The following NOX3 variants were observed in gnomAD, a reference collection of about 807,000 sequenced individuals.
NOX3 encodes the protein NADPH oxidase 3, also known as NADPH oxidase catalytic subunit-like 3.
Under a neutral mutation model 76.7 loss-of-function variants are expected in NOX3, and 74 were observed. The observed-to-expected ratio is 0.96, with a 90% CI of 0.80 to 1.17. The LOEUF (loss-of-function observed/expected upper bound fraction) is 1.17, where lower values mean the gene tolerates loss of function less well. Among genes scored for constraint, NOX3 ranks in the 50% most tolerant of loss-of-function variants. The probability of loss-of-function intolerance (pLI) is 0.00; values close to 1 mark genes in which losing one functional copy is unlikely to be tolerated. For missense variants in NOX3, 695 were observed against 703.3 expected, an observed-to-expected ratio of 0.99 and a Z score of 0.13; for synonymous variants, 263 against 261.1, an observed-to-expected ratio of 1.01 and a Z score of -0.07.
At chr6:155,410,077 A>T (rs530112730) in intron 11 of NOX3, among the ~76,000 whole-genome samples, 3 of 152,338 alleles carry the variant, frequency 2.0e-5, no homozygotes, top group South Asian at 2.1e-4. Context: ...TTGAATAAGG[A>T]AAGTGTTTGT....
At chr6:155,450,977 G>GA (rs202034565) in intron 4 of NOX3, among the ~76,000 whole-genome samples, 3 of 151,798 alleles carry the variant, frequency 2.0e-5, no homozygotes, top group South Asian at 2.1e-4. Context: ...ACATCTCATT[G>GA]AAAAATTTTT....
At chr6:155,423,788 T>G (rs904064957) in intron 9 of NOX3, among the ~76,000 whole-genome samples, 1 of 150,900 alleles carries the variant, frequency 6.6e-6, no homozygotes, top group Non-Finnish European at 1.5e-5. Context: ...GTCACCAGGC[T>G]GGAGTGCAGT....
intron 1 of NOX3, 139 bp from the exon 2 acceptor site, chr6:155,455,268 CAT>C (rs1777199922): frequency 3.3e-6 from 2 of 606,896 alleles, no homozygotes; most frequent in Admixed American, 6.7e-5. Context: ...ATTTATTTCT[CAT>C]AGATTAGTTT....
chr6:155,435,866 A>T (rs947978622), intron 7 of NOX3, among the ~76,000 whole-genome samples: 1 of 152,244 alleles, frequency 6.6e-6, no homozygotes, highest in South Asian at 2.1e-4. Flanking sequence ...AAATTAATTA[A>T]GTATCTTCTT....
rs547063822 is a variant in NOX3, at chr6:155,413,337, G to A, written c.1309-1977C>T. Among the ~76,000 whole-genome samples, 24 of 152,198 alleles carry A rather than the reference G, an allele frequency of 1.6e-4. No homozygotes were observed. In the East Asian group the frequency reaches 4.5e-3, roughly 28 times the overall value. ...GCCCAGAGAGGGTGGGGAGAGCAAG[G>A]AGATGGGCGAGGGGAGGGCTGGGGG... On this transcript the variant is annotated intron_variant, in intron 10 of 13. Coordinates refer to ENST00000159060, the MANE Select transcript of NOX3 (RefSeq NM_015718.3).
At chr6:155,417,383 TA>T (rs935362010) in intron 10 of NOX3, among the ~76,000 whole-genome samples, 11 of 152,176 alleles carry the variant, frequency 7.2e-5, no homozygotes, top group African/African-American at 2.7e-4. Flanking sequence ...AGGGAGATTT[TA>T]AAATGTTTGT....
rs1177714821 is a variant in NOX3, at chr6:155,407,209, T to C, written c.1501A>G (p.Thr501Ala). The change falls in exon 12 of 14, where the codon ACA becomes GCA. Residue 501 changes from threonine to alanine, a missense_variant. Thr to Ala is a moderately conservative substitution (Grantham distance 58, BLOSUM62 0). Coordinates refer to ENST00000159060, the MANE Select transcript of NOX3 (RefSeq NM_015718.3). ...LHWDENTDVI[T>A]GLKQKTFYGR... ...TAGAAGGTCTTCTGCTTTAAGCCTG[T>C]AATCACGTCAGTATTTTCGTCCCAG... 2.5e-6 allele frequency: 4 copies of C among 1,614,042 alleles called. No homozygotes were observed. The South Asian group carries it at 4.4e-5, about 18-fold the overall frequency.
intron 10 of NOX3, among the ~76,000 whole-genome samples, 158 bp downstream of exon 10, chr6:155,422,536 T>A (rs748893522): frequency 1.3e-5 from 2 of 152,226 alleles, no homozygotes; most frequent in African/African-American, 4.8e-5. Flanking sequence ...ATAAATGTAA[T>A]ACTGAGTGGA....
At chr6:155,412,218 G>T (rs1047098274) in intron 10 of NOX3, among the ~76,000 whole-genome samples, 1 of 152,014 alleles carries the variant, frequency 6.6e-6, no homozygotes, top group Non-Finnish European at 1.5e-5. Flanking sequence ...ATGAGGGCTG[G>T]TCTTGATTCC....
Position 155,454,931 on chromosome 6 carries a change from T to C in NOX3, c.145-10A>G. On this transcript the variant is annotated splice_polypyrimidine_tract_variant and intron_variant, in intron 2 of 13. Transcript: ENST00000159060. Reference sequence around the variant, plus strand: ...CCCAAGCCAGTGTTGACTGTCCACATGTAAAGACATAAAAAAGAGATTCAG... The same window carrying C: ...CCCAAGCCAGTGTTGACTGTCCACACGTAAAGACATAAAAAAGAGATTCAG... 6.2e-7 allele frequency: 1 copy of C among 1,600,502 alleles called. No individual in the cohort carries two copies. Among genetic ancestry groups the C allele is most frequent in the Non-Finnish European group, 8.5e-7 (1 of 1,170,090 alleles).
At chr6:155,432,613 T>G (rs1776849205) in intron 7 of NOX3, among the ~76,000 whole-genome samples, 1 of 152,182 alleles carries the variant, frequency 6.6e-6, no homozygotes, top group Non-Finnish European at 1.5e-5. Context: ...GATTTCTGGG[T>G]CTCTTCGCAT....
At chr6:155,423,050 C>G (rs1776711388) in intron 9 of NOX3, among the ~76,000 whole-genome samples, 194 bp from the exon 10 acceptor site, 1 of 152,186 alleles carries the variant, frequency 6.6e-6, no homozygotes. Flanking sequence ...TATTGGGAGA[C>G]AACGAGGTTG....
Position 155,406,479 on chromosome 6 carries a change from G to A in NOX3, c.1580+651C>T, listed in dbSNP as rs562780353. 8.5e-5 allele frequency among the ~76,000 whole-genome samples: 13 copies of A among 152,154 alleles called. No individual in the cohort carries two copies. The East Asian group carries it at 1.7e-3, about 20-fold the overall frequency. On this transcript the variant is annotated intron_variant, in intron 12 of 13. Coordinates refer to ENST00000159060, the MANE Select transcript of NOX3 (RefSeq NM_015718.3). ...TAATAATAATAGTAATAATGGAAAC[G>A]ATAATAAAAATAATAATAGCAGTGA...
At chr6:155,424,394 A>T (rs9397819) in intron 9 of NOX3, among the ~76,000 whole-genome samples, 12,902 of 152,262 alleles carry the variant, frequency 0.085, 1,714 homozygotes, top group East Asian at 0.69. Context: ...AATGTTTAAA[A>T]TATTTCAGTC....
chr6:155,441,929 C>CG (rs1201563995), intron 5 of NOX3, among the ~76,000 whole-genome samples: 1 of 152,082 alleles, frequency 6.6e-6, no homozygotes, highest in Non-Finnish European at 1.5e-5. Context: ...AGTTCTGATT[C>CG]GGAAGTGTGA....
At position 155,455,768 on chromosome 6, in the gene NOX3, G is replaced by A; in HGVS notation, c.33C>T (p.Leu11=). 3 of 1,613,500 alleles carry A rather than the reference G, an allele frequency of 1.9e-6. No homozygotes were observed. Among genetic ancestry groups the A allele is most frequent in the Admixed American group, 1.7e-5 (1 of 60,022 alleles). MMGCWILNEG[L]STILVLSWLG... ...TGATACTTACTACTAATATGGTGGA[G>A]AGACCCTCATTCAAAATCCAGCACC... Residue 11 remains leucine (L), a synonymous_variant, in exon 1 of 14, where the codon CTC becomes CTT. Transcript: ENST00000159060.
At position 155,421,758 on chromosome 6, in the gene NOX3, G is replaced by A. The variant is rs571422905; in HGVS notation, c.1308+936C>T. On this transcript the variant is annotated intron_variant, in intron 10 of 13. Coordinates refer to ENST00000159060, the MANE Select transcript of NOX3 (RefSeq NM_015718.3). ...GATCCTCCCACTTCAATCTCCCAAA[G>A]TGCTGGGGTTACAGGCATGAGCTAC... Among the ~76,000 whole-genome samples the A allele has an allele frequency of 5.3e-5, 8 of 152,224 alleles. No homozygotes were observed. In the East Asian group the frequency reaches 1.5e-3, roughly 29 times the overall value.
At chr6:155,453,564 G>A in intron 3 of NOX3, 76 bp from the exon 4 acceptor site, 1 of 1,169,416 alleles carries the variant, frequency 8.6e-7, no homozygotes, top group Non-Finnish European at 1.3e-6. Flanking sequence ...TAAGAGAGTA[G>A]GAATCAGGCT....
At chr6:155,447,267 G>A (rs1472122663) in intron 4 of NOX3, among the ~76,000 whole-genome samples, 5 of 152,036 alleles carry the variant, frequency 3.3e-5, no homozygotes, top group Non-Finnish European at 7.4e-5. Flanking sequence ...AAACTCCTGA[G>A]CTCAGGCAAT....
Sources: allele counts gnomAD v4.1 joint callset (sites outside exome capture counted in the v4.1 genomes callset), GRCh38; gene constraint gnomAD v4.1.1; transcripts MANE v1.5; gene names NCBI Gene and HGNC (gene_info 2026-07-23, HGNC 2026-07-21).